The following KCNQ1 variants were observed in gnomAD, a reference collection of about 807,000 sequenced individuals.
The protein encoded by KCNQ1 is potassium voltage-gated channel subfamily Q member 1.
KCNQ1 carries 49 observed loss-of-function variants against 72.4 expected under a neutral mutation model. The ratio of observed to expected loss-of-function variants is 0.68; its 90% CI spans 0.54 to 0.86. KCNQ1 has a LOEUF of 0.86. Among genes scored for constraint, KCNQ1 ranks in the 40% least tolerant of loss-of-function variants. The probability of loss-of-function intolerance (pLI) is 0.00; values close to 1 mark genes in which losing one functional copy is unlikely to be tolerated. For synonymous variants in KCNQ1, 450 were observed against 412.6 expected, an observed-to-expected ratio of 1.09 and a Z score of -1.10; for missense variants, 790 against 945.1, an observed-to-expected ratio of 0.84 and a Z score of 2.15.
intron 6 of KCNQ1, among the ~76,000 whole-genome samples, chr11:2,577,915 C>T (rs923315567): frequency 2.6e-5 from 4 of 152,104 alleles, no homozygotes; most frequent in African/African-American, 9.7e-5. Context: ...CCCAGGCCAC[C>T]CCCCTAGGCC....
At chr11:2,534,013 C>T (rs1011331347) in intron 2 of KCNQ1, among the ~76,000 whole-genome samples, 20 of 152,204 alleles carry the variant, frequency 1.3e-4, no homozygotes, top group East Asian at 5.8e-4. Flanking sequence ...CCCTCCGCCC[C>T]GCCCGGTGGC....
In KCNQ1 at chr11:2,595,901, A is replaced by G. The variant is rs745527586; in HGVS notation, c.1393+7047A>G. Reference sequence around the variant, plus strand: ...AATAATCACCATTCTAGATGAAATTAAGAACATTAGTGATTCATGGAAGAA... The same window carrying G: ...AATAATCACCATTCTAGATGAAATTGAGAACATTAGTGATTCATGGAAGAA... On this transcript the variant is annotated intron_variant, in intron 10 of 15. Transcript: ENST00000155840. The surrounding 1 kb of genome is among the most constrained non-coding windows in gnomAD (Gnocchi z 5.0). Among the ~76,000 whole-genome samples, 8 of 152,230 alleles carry G rather than the reference A, an allele frequency of 5.3e-5. No individual in the cohort carries two copies. The highest frequency in any genetic ancestry group is 1.2e-4 in the Non-Finnish European group (8 of 68,032).
intron 15 of KCNQ1, among the ~76,000 whole-genome samples, chr11:2,847,243 C>G (rs1305879677): frequency 6.6e-6 from 1 of 152,218 alleles, no homozygotes; most frequent in East Asian, 1.9e-4. Context: ...ACCCCAGGCC[C>G]TGCCCATGAG....
rs540984314 is a variant in KCNQ1 at position 2,515,843 on chromosome 11, G to A, written c.387-12085G>A. 5.3e-5 allele frequency among the ~76,000 whole-genome samples: 8 copies of A among 152,136 alleles called. No individual in the cohort carries two copies. The highest frequency in any genetic ancestry group is 1.0e-4 in the Non-Finnish European group (7 of 67,964). ...GGCCCTGGGGGGCTTGTGCTCTGCC[G>A]GGCCACCTGCACCCTCCGGGCCCCA... is the stretch of plus-strand genomic sequence containing the variant. On this transcript the variant is annotated intron_variant, in intron 1 of 15. Transcript: ENST00000155840. The surrounding 1 kb of genome is among the most constrained non-coding windows in gnomAD (Gnocchi z 4.7).
In KCNQ1 at chr11:2,657,647, T is replaced by C. The variant is rs1849873631; in HGVS notation, c.1394-4314T>C. 2.5e-6 allele frequency: 1 copy of C among 398,518 alleles called. No homozygotes were observed. The highest frequency in any genetic ancestry group is 4.4e-6 in the Non-Finnish European group (1 of 226,070). The allele number at this position is 398,518 out of a possible 1,614,324, so 24.7% of individuals were successfully genotyped here. A position where few individuals can be genotyped will look rare whatever the true frequency, so the allele number is the denominator to read the frequency against. ...TATTAAGCTAGAGTTATAAATTTATTTGGATTTCCCCAGTTTAACTACTAA... is the reference window on the plus strand; with the variant it reads ...TATTAAGCTAGAGTTATAAATTTATCTGGATTTCCCCAGTTTAACTACTAA... On this transcript the variant is annotated intron_variant, in intron 10 of 15. Transcript: ENST00000155840. The surrounding 1 kb of genome is among the most constrained non-coding windows in gnomAD (Gnocchi z 4.8).
chr11:2,525,057 G>A (rs967332726), intron 1 of KCNQ1, among the ~76,000 whole-genome samples: 6 of 152,242 alleles, frequency 3.9e-5, no homozygotes, highest in African/African-American at 1.4e-4. Context: ...AGCCCTGGTA[G>A]GGTGGAGAGA....
Position 2,617,617 on chromosome 11 carries a change from A to C in KCNQ1, c.1393+28763A>C. The C allele has an allele frequency of 2.5e-6, 1 of 398,442 alleles. No individual in the cohort carries two copies. Among genetic ancestry groups the C allele is most frequent in the Admixed American group, 4.4e-5 (1 of 22,720 alleles). 24.7% of individuals were successfully genotyped at this position (398,442 alleles called of 1,614,324 possible). On this transcript the variant is annotated intron_variant, in intron 10 of 15. Transcript: ENST00000155840. This position sits in a 1 kb window ranked among gnomAD's most constrained non-coding sequence, Gnocchi z 4.6. ...GTGGGTCAGATGATAGTATATTTTC[A>C]ATTTCTTTAGGAGCCACCATTCTGT...
At chr11:2,539,923 C>T (rs1401120876) in intron 2 of KCNQ1, among the ~76,000 whole-genome samples, 2 of 152,238 alleles carry the variant, frequency 1.3e-5, no homozygotes, top group Non-Finnish European at 2.9e-5. Flanking sequence ...TCACATCTGA[C>T]CCTGGCCAGC....
chr11:2,655,449 G>A (rs571019036), intron 10 of KCNQ1: 3 of 398,688 alleles, frequency 7.5e-6, no homozygotes, highest in African/African-American at 6.2e-5. Context: ...GTTCAGCAAA[G>A]GGCACCTGGC....
intron 15 of KCNQ1, among the ~76,000 whole-genome samples, chr11:2,799,257 A>C (rs917688318): frequency 1.3e-5 from 2 of 152,254 alleles, no homozygotes; most frequent in African/African-American, 4.8e-5. Flanking sequence ...TGGTGCTCAG[A>C]TTCCATGTGG....
rs1455141292 is a variant in KCNQ1, at chr11:2,735,259, G to A, written c.1515-33585G>A. The stretch of plus-strand genomic sequence containing the variant: ...ACGCCACTTGCCCTGAGGCCCTGGG[G>A]GACAGCCTGGCCCCTGGATGGCCAG... On this transcript the variant is annotated intron_variant, in intron 11 of 15. Transcript: ENST00000155840. This position sits in a 1 kb window ranked among gnomAD's most constrained non-coding sequence, Gnocchi z 7.7. 1.3e-5 allele frequency among the ~76,000 whole-genome samples: 2 copies of A among 152,126 alleles called. No individual in the cohort carries two copies. The highest frequency in any genetic ancestry group is 2.9e-5 in the Non-Finnish European group (2 of 67,992).
chr11:2,717,038 C>G (rs954851205), intron 11 of KCNQ1, among the ~76,000 whole-genome samples: 17 of 152,302 alleles, frequency 1.1e-4, no homozygotes, highest in African/African-American at 4.1e-4. Context: ...TGACAAACAG[C>G]CCCCCAGATG....
chr11:2,529,886 G>A (rs1847587833), intron 2 of KCNQ1, among the ~76,000 whole-genome samples: 1 of 152,154 alleles, frequency 6.6e-6, no homozygotes, highest in South Asian at 2.1e-4. Flanking sequence ...GGTCCTTCAG[G>A]TCCGATGCCT....
In KCNQ1 at chr11:2,690,399, T is replaced by G; in HGVS notation, c.1514+28318T>G. ...AACATGTGCCAGACCAAAAGAGCTA[T>G]CTCTCTCCCTGCGAAAGGCTGGGGT... On this transcript the variant is annotated intron_variant, in intron 11 of 15. Transcript: ENST00000155840. The surrounding 1 kb of genome is among the most constrained non-coding windows in gnomAD (Gnocchi z 5.1). 2.5e-6 allele frequency: 1 copy of G among 398,666 alleles called. No homozygotes were observed. The highest frequency in any genetic ancestry group is 4.4e-5 in the Admixed American group (1 of 22,734). 24.7% of individuals were successfully genotyped at this position (398,666 alleles called of 1,614,324 possible).
At position 2,848,414 on chromosome 11, in the gene KCNQ1, C is replaced by T. The variant is rs45460605; in HGVS notation, c.*411C>T. 0.026 allele frequency: 12,551 copies of T among 477,920 alleles called. 238 individuals carry two copies. The highest frequency in any genetic ancestry group is 0.06 in the African/African-American group (3,092 of 51,220). The allele number at this position is 477,920 out of a possible 1,614,324, so 29.6% of individuals were successfully genotyped here. ...GGGGAGACAGAGCAACCCCTGGACC[C>T]CAGCCTCAAATCCAGGACCCTGCCA... On this transcript the variant is annotated 3_prime_UTR_variant, in exon 16 of 16. Transcript: ENST00000155840.
Position 2,471,930 on chromosome 11 carries a change from G to C in KCNQ1, c.386+26446G>C, listed in dbSNP as rs1846477724. Among the ~76,000 whole-genome samples the C allele has an allele frequency of 6.6e-6, 1 of 151,802 alleles. No homozygotes were observed. Among genetic ancestry groups the C allele is most frequent in the South Asian group, 2.1e-4 (1 of 4,808 alleles). On this transcript the variant is annotated intron_variant, in intron 1 of 15. Coordinates refer to ENST00000155840, the MANE Select transcript of KCNQ1 (RefSeq NM_000218.3). This position sits in a 1 kb window ranked among gnomAD's most constrained non-coding sequence, Gnocchi z 4.8. The stretch of plus-strand genomic sequence containing the variant: ...CGTGCACCTATGTGTGTATAGGCGT[G>C]TATGTGTGCGCGTGTGTAGGTGTGT...
At chr11:2,571,104 C>A (rs1386165588) in intron 3 of KCNQ1, among the ~76,000 whole-genome samples, 1 of 152,208 alleles carries the variant, frequency 6.6e-6, no homozygotes, top group Non-Finnish European at 1.5e-5. Context: ...GCACAGGGCC[C>A]AGCCTAGGCC....
chr11:2,756,727 C>T (rs746226706), intron 11 of KCNQ1, among the ~76,000 whole-genome samples: 41 of 152,036 alleles, frequency 2.7e-4, no homozygotes, highest in Non-Finnish European at 1.8e-4. Context: ...GCTGGAATTA[C>T]AGGTGTGAGC....
rs1848910163 is a variant in KCNQ1 at position 2,608,086 on chromosome 11, T to C, written c.1393+19232T>C. Reference sequence around the variant, plus strand: ...TAAAATAAATTTTATAAGTTCTCTTTTCATGTTTTTGTCTGGTTTTGGTGT... The same window carrying C: ...TAAAATAAATTTTATAAGTTCTCTTCTCATGTTTTTGTCTGGTTTTGGTGT... On this transcript the variant is annotated intron_variant, in intron 10 of 15. Coordinates refer to ENST00000155840, the MANE Select transcript of KCNQ1 (RefSeq NM_000218.3). This position sits in a 1 kb window ranked among gnomAD's most constrained non-coding sequence, Gnocchi z 4.6. Among the ~76,000 whole-genome samples the C allele has an allele frequency of 6.6e-6, 1 of 152,228 alleles. No individual in the cohort carries two copies. The highest frequency in any genetic ancestry group is 1.5e-5 in the Non-Finnish European group (1 of 68,032).
Sources: allele counts gnomAD v4.1 joint callset (sites outside exome capture counted in the v4.1 genomes callset), GRCh38; gene constraint gnomAD v4.1.1; non-coding constraint Gnocchi (gnomAD v3.1); transcripts MANE v1.5; gene names NCBI Gene and HGNC (gene_info 2026-07-23, HGNC 2026-07-21).